The following SLC5A9 variants were observed in gnomAD, a reference collection of about 807,000 sequenced individuals.
SLC5A9 encodes solute carrier family 5 member 9, also known as sodium/glucose cotransporter 4.
A neutral mutation model predicts 70.9 loss-of-function variants in SLC5A9; 59 were observed. The observed-to-expected ratio is 0.83, with a 90% CI of 0.68 to 1.03. The LOEUF is 1.03. SLC5A9 is among the 50% of genes least tolerant of loss of function. The probability of loss-of-function intolerance (pLI) is 0.00; values close to 1 mark genes in which losing one functional copy is unlikely to be tolerated. For missense variants in SLC5A9, 832 were observed against 881.1 expected (o/e 0.94, Z 0.71); for synonymous variants, 340 against 346.5 (o/e 0.98, Z 0.21).
In SLC5A9 at chr1:48,233,388, ATAG is replaced by A. The variant is rs1557475411; in HGVS notation, c.1034-266_1034-264del. On this transcript the variant is annotated intron_variant, in intron 8 of 13. Coordinates refer to ENST00000438567, the MANE Select transcript of SLC5A9 (RefSeq NM_001011547.3). ...AAAAAAAAAAAAAAAAAAAAAAAAG[ATAG>A]AAAAGAACACATAATAAGCAGTTTA... Among the ~76,000 whole-genome samples the A allele has an allele frequency of 3.7e-5, 5 of 136,784 alleles. No individual in the cohort carries two copies. In the East Asian group the frequency reaches 1.4e-3, roughly 38 times the overall value. 89.7% of individuals were successfully genotyped at this position (136,784 alleles called of 152,430 possible).
rs966091319 is a variant in SLC5A9 at position 48,239,059 on chromosome 1, G to A, written c.1462-263G>A. Among the ~76,000 whole-genome samples, 2 of 152,224 alleles carry A rather than the reference G, an allele frequency of 1.3e-5. No individual in the cohort carries two copies. Among genetic ancestry groups the A allele is most frequent in the South Asian group, 4.2e-4 (2 of 4,814 alleles). ...CAATAAGAAAACTCTGAGTCAGCACGGCCGAGTCATTGGTTCAGTCAGTTC... is the reference window on the plus strand; with the variant it reads ...CAATAAGAAAACTCTGAGTCAGCACAGCCGAGTCATTGGTTCAGTCAGTTC... On this transcript the variant is annotated intron_variant, in intron 11 of 13. Coordinates refer to ENST00000438567, the MANE Select transcript of SLC5A9 (RefSeq NM_001011547.3). The surrounding 1 kb of genome is among the most constrained non-coding windows in gnomAD (Gnocchi z 4.2).
At chr1:48,246,655 G>A (rs897068669) in intron 13 of SLC5A9, among the ~76,000 whole-genome samples, 7 of 152,090 alleles carry the variant, frequency 4.6e-5, no homozygotes, top group African/African-American at 7.2e-5. Flanking sequence ...GTTCGGTCTC[G>A]TGCACATTTA....
intron 10 of SLC5A9, among the ~76,000 whole-genome samples, chr1:48,236,523 T>G (rs1247549071): frequency 6.6e-6 from 1 of 152,238 alleles, no homozygotes; most frequent in East Asian, 1.9e-4. Flanking sequence ...AAAGCATAAC[T>G]TGGTGGCTAA....
At chr1:48,232,993 GGGAA>G (rs1204759714) in intron 8 of SLC5A9, among the ~76,000 whole-genome samples, 7 of 130,380 alleles carry the variant, frequency 5.4e-5, no homozygotes, top group African/African-American at 1.9e-4. Flanking sequence ...AGGAAGGAAG[GGGAA>G]GGAAGGAAGG....
In SLC5A9 at chr1:48,237,723, C is replaced by T; in HGVS notation, c.1337C>T (p.Pro446Leu). Residue 446 changes from proline (P) to leucine (L), a missense_variant, in exon 11 of 14, where the codon CCC (proline) becomes CTC (leucine). Coordinates refer to ENST00000438567, the MANE Select transcript of SLC5A9 (RefSeq NM_001011547.3). Reference sequence around the variant, plus strand: ...GTTGTCATCAGCATCCTCTGGATCCCCATCATCCAAAGCTCCAACAGTGGG... The same window carrying T: ...GTTGTCATCAGCATCCTCTGGATCCTCATCATCCAAAGCTCCAACAGTGGG... ...FLVVISILWIPIIQSSNSGQL... is the reference protein window; with the variant it reads ...FLVVISILWILIIQSSNSGQL... 1.2e-6 allele frequency: 2 copies of T among 1,614,076 alleles called. No homozygotes were observed. Among genetic ancestry groups the T allele is most frequent in the South Asian group, 2.2e-5 (2 of 91,076 alleles).
At chr1:48,231,521 T>A in intron 5 of SLC5A9, 24 bp from the exon 6 acceptor site, 1 of 1,612,744 alleles carries the variant, frequency 6.2e-7, no homozygotes, top group Non-Finnish European at 8.5e-7. Flanking sequence ...TGCTGACTGA[T>A]GAGCCCTCTC....
chr1:48,246,236 A>G (rs549434262), intron 13 of SLC5A9, among the ~76,000 whole-genome samples: 3 of 152,258 alleles, frequency 2.0e-5, no homozygotes, highest in African/African-American at 7.2e-5. Flanking sequence ...AGCCTAGTAC[A>G]AACGAAATGC....
At position 48,239,354 on chromosome 1, in the gene SLC5A9, A is replaced by G. The variant is rs368222465; in HGVS notation, c.1494A>G (p.Gly498=). Residue 498 remains glycine (G), a synonymous_variant, in exon 12 of 14, where the codon GGA becomes GGG. Coordinates refer to ENST00000438567, the MANE Select transcript of SLC5A9 (RefSeq NM_001011547.3). This position sits in a 1 kb window ranked among gnomAD's most constrained non-coding sequence, Gnocchi z 4.2. The part of the protein sequence containing the change: ...GAFWGLVFGL[G]VGLLRMILEF... ...TCTGGGGCCTCGTGTTTGGCCTGGG[A>G]GTGGGGCTTCTGCGTATGATCCTGG... 1.2e-6 allele frequency: 2 copies of G among 1,613,092 alleles called. No homozygotes were observed. Among genetic ancestry groups the G allele is most frequent in the Non-Finnish European group, 1.7e-6 (2 of 1,179,342 alleles).
intron 1 of SLC5A9, among the ~76,000 whole-genome samples, chr1:48,224,374 A>G (rs1231598359): frequency 6.6e-6 from 1 of 152,206 alleles, no homozygotes; most frequent in Non-Finnish European, 1.5e-5. Context: ...AGCACTACAC[A>G]TCTAAGGAGG....
At chr1:48,227,071 G>A (rs983061142) in intron 2 of SLC5A9, among the ~76,000 whole-genome samples, 4 of 152,068 alleles carry the variant, frequency 2.6e-5, no homozygotes, top group Non-Finnish European at 5.9e-5. Context: ...ATGTGCACGT[G>A]TGTGCATACC....
At chr1:48,243,923 T>C (rs1380823384) in intron 13 of SLC5A9, among the ~76,000 whole-genome samples, 1 of 152,216 alleles carries the variant, frequency 6.6e-6, no homozygotes, top group Non-Finnish European at 1.5e-5. Context: ...AATAAGACAT[T>C]GTCTCTGTCC....
chr1:48,229,485 T>C, intron 4 of SLC5A9, 26 bp downstream of exon 4: 1 of 1,611,632 alleles, frequency 6.2e-7, no homozygotes, highest in Non-Finnish European at 8.5e-7. Context: ...ATGTGGTCAC[T>C]GTGTCTGGAA....
intron 13 of SLC5A9, among the ~76,000 whole-genome samples, chr1:48,244,139 G>T (rs1644423117): frequency 6.6e-6 from 1 of 152,146 alleles, no homozygotes; most frequent in Admixed American, 6.5e-5. Context: ...TTAAAAAGAG[G>T]TCTCAGTGCC....
At position 48,232,017 on chromosome 1, in the gene SLC5A9, C is replaced by G; in HGVS notation, c.763C>G (p.Pro255Ala). The G allele has an allele frequency of 1.2e-6, 2 of 1,614,156 alleles. No homozygotes were observed. Among genetic ancestry groups the G allele is most frequent in the Middle Eastern group, 1.6e-4 (1 of 6,062 alleles). Residue 255 changes from proline (P) to alanine (A), a missense_variant, in exon 7 of 14, where the codon CCC (proline) becomes GCC (alanine). Physicochemically the swap from Pro to Ala is conservative, Grantham distance 27. Transcript: ENST00000438567. ...YRQAIPNVTV[P>A]NTTCHLPRPD... ...GCAGGCCATCCCTAATGTCACAGTCCCCAACACCACCTGTCACCTCCCACG... is the reference window on the plus strand; with the variant it reads ...GCAGGCCATCCCTAATGTCACAGTCGCCAACACCACCTGTCACCTCCCACG...
At chr1:48,226,572 T>C (rs1441876387) in intron 2 of SLC5A9, among the ~76,000 whole-genome samples, 1 of 152,028 alleles carries the variant, frequency 6.6e-6, no homozygotes. Flanking sequence ...TAGGGAAAGC[T>C]CAGTCCCACC....
At chr1:48,235,240 C>T (rs1557477118) in intron 9 of SLC5A9, among the ~76,000 whole-genome samples, 1 of 152,198 alleles carries the variant, frequency 6.6e-6, no homozygotes, top group Non-Finnish European at 1.5e-5. Flanking sequence ...AAGCTGCTAC[C>T]TCCCAAGCCA....
At chr1:48,224,003 CT>C (rs1295705391) in intron 1 of SLC5A9, among the ~76,000 whole-genome samples, 1 of 152,256 alleles carries the variant, frequency 6.6e-6, no homozygotes, top group Non-Finnish European at 1.5e-5. Flanking sequence ...ATATTTATCA[CT>C]CCCTCGTGAC....
intron 2 of SLC5A9, among the ~76,000 whole-genome samples, chr1:48,227,384 AGTGT>A (rs1189520715): frequency 1.1e-4 from 6 of 56,778 alleles, no homozygotes; most frequent in East Asian, 5.3e-4. Context: ...CATGTGTGAG[AGTGT>A]GTGTGTACTG....
intron 12 of SLC5A9, chr1:48,241,966 C>T (rs1169465580): frequency 4.4e-6 from 2 of 456,184 alleles, no homozygotes; most frequent in African/African-American, 4.0e-5. Flanking sequence ...TTTGGCTTCA[C>T]TTTTACAACA....
Sources: gnomAD v4.1 joint callset for allele counts (sites outside exome capture counted in the v4.1 genomes callset) on GRCh38, gnomAD v4.1.1 for gene constraint, Gnocchi (gnomAD v3.1) non-coding constraint, MANE v1.5 for transcripts, NCBI Gene and HGNC (gene_info 2026-07-23, HGNC 2026-07-21) for gene names.